Variants in COG5 observed in about 807,000 individuals in gnomAD.
COG5 encodes component of oligomeric golgi complex 5.
Under a neutral mutation model 110.4 loss-of-function variants are expected in COG5, and 86 were observed. The ratio of observed to expected loss-of-function variants is 0.78; its 90% CI spans 0.65 to 0.93. COG5 has a LOEUF of 0.93. COG5 is among the 40% of genes least tolerant of loss of function. The pLI is 0.00. For synonymous variants in COG5, 360 were observed against 334.6 expected, an observed-to-expected ratio of 1.08 and a Z score of -0.83; for missense variants, 1,077 against 987.0, an observed-to-expected ratio of 1.09 and a Z score of -1.22.
intron 13 of COG5, among the ~76,000 whole-genome samples, chr7:107,282,177 C>T (rs1287844711): frequency 1.3e-5 from 2 of 152,144 alleles, no homozygotes; most frequent in African/African-American, 4.8e-5. Flanking sequence ...TGAAACAATA[C>T]TAGAGCATAC....
At chr7:107,504,545 T>C (rs1798842933) in intron 6 of COG5, among the ~76,000 whole-genome samples, 1 of 152,204 alleles carries the variant, frequency 6.6e-6, no homozygotes, top group Non-Finnish European at 1.5e-5. Context: ...TCTTTCTCAA[T>C]CTTTTGCAAT....
intron 6 of COG5, among the ~76,000 whole-genome samples, chr7:107,417,192 T>C (rs1002219237): frequency 1.2e-4 from 19 of 152,326 alleles, no homozygotes; most frequent in South Asian, 2.1e-4. Flanking sequence ...CATACAAATA[T>C]ATGTCTCAGA....
chr7:107,423,536 G>A (rs915813631), intron 6 of COG5, among the ~76,000 whole-genome samples: 3 of 151,712 alleles, frequency 2.0e-5, no homozygotes, highest in African/African-American at 7.3e-5. Context: ...AATGAGAGAG[G>A]GAACATTTCC....
Position 107,201,481 on chromosome 7 carries a change from T to G in COG5, c.*2035A>C. On this transcript the variant is annotated 3_prime_UTR_variant, in exon 22 of 22. Transcript: ENST00000297135. ...CTATATTTGCATATACATTGACTCT[T>G]GATGGAAAGACTTAAGAAGATCAAG... 1 of 1,212,384 alleles carries G rather than the reference T, an allele frequency of 8.2e-7. No individual in the cohort carries two copies. The allele number at this position is 1,212,384 out of a possible 1,614,324, so 75.1% of individuals were successfully genotyped here.
chr7:107,485,123 C>T (rs942051020), intron 6 of COG5, among the ~76,000 whole-genome samples: 3 of 152,160 alleles, frequency 2.0e-5, no homozygotes, highest in Non-Finnish European at 2.9e-5. Context: ...AAATAATTGA[C>T]AGAGAAATGG....
chr7:107,393,178 A>G (rs1790749931), intron 7 of COG5, among the ~76,000 whole-genome samples: 1 of 152,198 alleles, frequency 6.6e-6, no homozygotes, highest in Non-Finnish European at 1.5e-5. Flanking sequence ...ATACAAAGTG[A>G]GTACTTCAAT....
At chr7:107,440,824 C>T (rs1486517783) in intron 6 of COG5, among the ~76,000 whole-genome samples, 2 of 152,058 alleles carry the variant, frequency 1.3e-5, no homozygotes, top group Non-Finnish European at 2.9e-5. Context: ...GTTTTGTGCC[C>T]CTTCCCCCAT....
chr7:107,229,943 CTG>C (rs1800661935), intron 19 of COG5, among the ~76,000 whole-genome samples: 1 of 151,132 alleles, frequency 6.6e-6, no homozygotes, highest in African/African-American at 2.4e-5. Context: ...CTCTGACTCC[CTG>C]GTTCAAGCGA....
intron 11 of COG5, among the ~76,000 whole-genome samples, chr7:107,313,005 G>A (rs1313847518): frequency 6.6e-6 from 1 of 152,130 alleles, no homozygotes; most frequent in African/African-American, 2.4e-5. Context: ...TCAAAAAGTG[G>A]AGTAGAAGTT....
intron 6 of COG5, among the ~76,000 whole-genome samples, chr7:107,458,932 T>C (rs1201598266): frequency 1.3e-5 from 2 of 151,298 alleles, no homozygotes; most frequent in Non-Finnish European, 2.9e-5. Flanking sequence ...TATGTACATA[T>C]ATACACACAC....
intron 6 of COG5, among the ~76,000 whole-genome samples, chr7:107,439,175 T>C (rs993851859): frequency 2.6e-5 from 4 of 152,156 alleles, no homozygotes; most frequent in Admixed American, 6.5e-5. Context: ...AGGACATTCT[T>C]CCAGGAATGC....
chr7:107,351,565 C>G (rs1026183625), intron 10 of COG5, among the ~76,000 whole-genome samples: 1 of 151,970 alleles, frequency 6.6e-6, no homozygotes, highest in African/African-American at 2.4e-5. Context: ...ACTCATCTGA[C>G]AAAGGGCTAA....
chr7:107,279,704 C>T (rs1317549910), intron 14 of COG5, among the ~76,000 whole-genome samples: 1 of 152,006 alleles, frequency 6.6e-6, no homozygotes, highest in Non-Finnish European at 1.5e-5. Context: ...AATGCTTAAG[C>T]TTCCCTTATA....
chr7:107,351,726 G>A (rs1156441790), intron 10 of COG5, among the ~76,000 whole-genome samples: 10 of 151,860 alleles, frequency 6.6e-5, no homozygotes, highest in Non-Finnish European at 2.9e-5. Flanking sequence ...ATCATCACTG[G>A]TCATCAGAGA....
At chr7:107,226,123 A>C (rs909093439) in intron 19 of COG5, among the ~76,000 whole-genome samples, 2 of 152,210 alleles carry the variant, frequency 1.3e-5, no homozygotes, top group African/African-American at 4.8e-5. Context: ...CTAGTGATGC[A>C]CTAGGGAGTA....
intron 10 of COG5, among the ~76,000 whole-genome samples, chr7:107,324,961 T>G (rs1168014730): frequency 6.6e-6 from 1 of 152,192 alleles, no homozygotes; most frequent in Non-Finnish European, 1.5e-5. Context: ...GAGGGCAATT[T>G]GTGTGACTAT....
At chr7:107,515,601 A>C (rs1051409384) in intron 6 of COG5, among the ~76,000 whole-genome samples, 2 of 152,160 alleles carry the variant, frequency 1.3e-5, no homozygotes, top group Non-Finnish European at 2.9e-5. Context: ...TCCCCTCAAA[A>C]GCAGAGTATC....
At chr7:107,239,448 T>G (rs1437314413) in intron 17 of COG5, among the ~76,000 whole-genome samples, 1 of 152,232 alleles carries the variant, frequency 6.6e-6, no homozygotes, top group African/African-American at 2.4e-5. Context: ...TTTTGGTAGT[T>G]CCATATGAAT....
At chr7:107,481,387 T>G (rs1392022011) in intron 6 of COG5, among the ~76,000 whole-genome samples, 1 of 152,100 alleles carries the variant, frequency 6.6e-6, no homozygotes, top group Non-Finnish European at 1.5e-5. Context: ...ATATAAAATT[T>G]TAAAATATTA....
Sources: allele counts gnomAD v4.1 joint callset (sites outside exome capture counted in the v4.1 genomes callset), GRCh38; gene constraint gnomAD v4.1.1; transcripts MANE v1.5; gene names NCBI Gene and HGNC (gene_info 2026-07-23, HGNC 2026-07-21).